The following UST variants were observed in gnomAD, a reference collection of about 807,000 sequenced individuals.
The protein encoded by UST is uronyl 2-sulfotransferase.
Under a neutral mutation model 45.6 loss-of-function variants are expected in UST, and 21 were observed. That is an observed-to-expected ratio of 0.46 (90% CI 0.33 to 0.66). The LOEUF (loss-of-function observed/expected upper bound fraction) is 0.66. UST is among the 30% of genes least tolerant of loss of function. The pLI is 0.02. For synonymous variants in UST, 215 were observed against 200.6 expected, an observed-to-expected ratio of 1.07 and a Z score of -0.61; for missense variants, 463 against 512.4, an observed-to-expected ratio of 0.90 and a Z score of 0.93.
intron 1 of UST, among the ~76,000 whole-genome samples, chr6:148,793,733 A>G (rs1776895672): frequency 6.6e-6 from 1 of 152,162 alleles, no homozygotes; most frequent in Non-Finnish European, 1.5e-5. Flanking sequence ...CAATTGGAAT[A>G]ATATAGTATG....
intron 1 of UST, among the ~76,000 whole-genome samples, chr6:148,810,113 C>G (rs190673091): frequency 9.3e-4 from 141 of 152,180 alleles, no homozygotes; most frequent in African/African-American, 3.3e-3. Context: ...AAGATAAAAC[C>G]CAGTAGCCAG....
intron 5 of UST, among the ~76,000 whole-genome samples, chr6:149,017,243 G>A (rs1775913869): frequency 6.6e-6 from 1 of 152,200 alleles, no homozygotes; most frequent in South Asian, 2.1e-4. Flanking sequence ...CGGGTGTGGT[G>A]GCGGGCACCT....
chr6:148,749,574 C>G (rs1328987153), intron 1 of UST, among the ~76,000 whole-genome samples: 1 of 152,082 alleles, frequency 6.6e-6, no homozygotes, highest in Admixed American at 6.5e-5. Flanking sequence ...AAACCTCCAC[C>G]CAGCTCCTAA....
chr6:149,054,673 G>A (rs1776536825), intron 7 of UST, among the ~76,000 whole-genome samples: 1 of 152,210 alleles, frequency 6.6e-6, no homozygotes, highest in Non-Finnish European at 1.5e-5. Flanking sequence ...CCGTGGACCA[G>A]AAAAAGGCTT....
chr6:148,752,731 A>G (rs530100054), intron 1 of UST, among the ~76,000 whole-genome samples: 1 of 152,364 alleles, frequency 6.6e-6, no homozygotes, highest in African/African-American at 2.4e-5. Context: ...GAGTCCCAAA[A>G]TAAATAGTAT....
chr6:148,777,752 G>T (rs570904305), intron 1 of UST, among the ~76,000 whole-genome samples: 1 of 152,266 alleles, frequency 6.6e-6, no homozygotes, highest in African/African-American at 2.4e-5. Context: ...TCACCATGTT[G>T]TCCAGGCTGG....
intron 5 of UST, among the ~76,000 whole-genome samples, chr6:148,987,260 A>G (rs1007614909): frequency 2.6e-5 from 4 of 152,214 alleles, no homozygotes; most frequent in African/African-American, 9.6e-5. Context: ...AAAATAAAAT[A>G]TGCATGCTGC....
intron 2 of UST, among the ~76,000 whole-genome samples, chr6:148,932,945 G>C: frequency 6.6e-6 from 1 of 152,148 alleles, no homozygotes; most frequent in East Asian, 1.9e-4. Flanking sequence ...GGAGCCTTGG[G>C]AATCATTAGG....
intron 1 of UST, among the ~76,000 whole-genome samples, chr6:148,784,849 A>T (rs1193074953): frequency 5.3e-5 from 8 of 152,240 alleles, no homozygotes; most frequent in Non-Finnish European, 8.8e-5. Flanking sequence ...GTGGACATGA[A>T]GTATAGAAGA....
chr6:149,049,433 A>T (rs370845770), intron 7 of UST, among the ~76,000 whole-genome samples: 1 of 152,242 alleles, frequency 6.6e-6, no homozygotes, highest in East Asian at 1.9e-4. Context: ...GAAATGATTA[A>T]ATTGAAATGC....
chr6:149,009,428 A>T (rs894112711), intron 5 of UST, among the ~76,000 whole-genome samples: 1 of 152,126 alleles, frequency 6.6e-6, no homozygotes, highest in African/African-American at 2.4e-5. Context: ...CTTAAGCCTG[A>T]AAGACATGAG....
intron 5 of UST, among the ~76,000 whole-genome samples, chr6:148,993,846 C>T (rs566622104): frequency 6.6e-6 from 1 of 152,232 alleles, no homozygotes; most frequent in Non-Finnish European, 1.5e-5. Flanking sequence ...GCTGAGGCCT[C>T]CCTAGAAGCT....
At chr6:148,871,139 T>TCTCTCTCTCTCTCTCTCC (rs1304234198) in intron 1 of UST, among the ~76,000 whole-genome samples, 14 of 149,540 alleles carry the variant, frequency 9.4e-5, no homozygotes, top group East Asian at 4.0e-4. Context: ...TCTCTCTCTC[T>TCTCTCTCTCTCTCTCTCC]CTCTCTCCCT....
intron 5 of UST, among the ~76,000 whole-genome samples, chr6:148,989,222 C>A (rs1394224178): frequency 2.7e-4 from 21 of 77,224 alleles, no homozygotes; most frequent in Admixed American, 5.2e-4. Context: ...CCCCCCCACC[C>A]CCCGCAAATG....
rs756789746 is a variant in UST at position 149,019,123 on chromosome 6, G to A, written c.682-16G>A. Reference sequence around the variant, plus strand: ...AGAGACTACAAGACATCTGACTGCTGTATTTTCTCTTCTAGGATATCAATG... The same window carrying A: ...AGAGACTACAAGACATCTGACTGCTATATTTTCTCTTCTAGGATATCAATG... On this transcript the variant is annotated splice_polypyrimidine_tract_variant and intron_variant, in intron 5 of 7. Transcript: ENST00000367463. The A allele has an allele frequency of 6.3e-7, 1 of 1,587,894 alleles. No individual in the cohort carries two copies. The highest frequency in any genetic ancestry group is 1.1e-5 in the South Asian group (1 of 90,520).
At chr6:148,810,700 T>C (rs570254761) in intron 1 of UST, among the ~76,000 whole-genome samples, 2 of 152,304 alleles carry the variant, frequency 1.3e-5, no homozygotes, top group East Asian at 3.9e-4. Flanking sequence ...CCTAAAACTA[T>C]AATACAAGGT....
intron 2 of UST, among the ~76,000 whole-genome samples, chr6:148,902,144 G>A (rs1437655313): frequency 3.3e-5 from 5 of 152,154 alleles, no homozygotes; most frequent in African/African-American, 4.8e-5. Flanking sequence ...TGTGTCTGGT[G>A]TGTATAAGTT....
intron 2 of UST, among the ~76,000 whole-genome samples, chr6:148,920,756 C>T (rs2114894831): frequency 6.6e-6 from 1 of 152,178 alleles, no homozygotes; most frequent in East Asian, 1.9e-4. Context: ...TCTCGAACTC[C>T]CAGGCTCAAC....
At chr6:148,848,311 T>TA (rs201472121) in intron 1 of UST, among the ~76,000 whole-genome samples, 4 of 151,726 alleles carry the variant, frequency 2.6e-5, no homozygotes, top group Non-Finnish European at 2.9e-5. Context: ...TCTTGGTTGT[T>TA]AAAAAAAAAT....
Sources: gnomAD v4.1 joint callset for allele counts (sites outside exome capture counted in the v4.1 genomes callset) on GRCh38, gnomAD v4.1.1 for gene constraint, MANE v1.5 for transcripts, NCBI Gene and HGNC (gene_info 2026-07-23, HGNC 2026-07-21) for gene names.